Variants in AKAP6 observed in about 807,000 individuals in gnomAD.
AKAP6 encodes A-kinase anchor protein 6.
AKAP6 carries 58 observed loss-of-function variants against 188.5 expected under a neutral mutation model. The observed-to-expected ratio is 0.31, with a 90% CI of 0.25 to 0.38. The LOEUF (loss-of-function observed/expected upper bound fraction) is 0.38. Ranked by LOEUF, AKAP6 falls within the 10% of genes least tolerant of loss-of-function variation. The pLI is 1.00. For missense variants in AKAP6, 2,710 were observed against 2,740.0 expected (o/e 0.99, Z 0.24); for synonymous variants, 989 against 998.6 (o/e 0.99, Z 0.18).
chr14:32,753,327 T>C (rs2032210664), intron 11 of AKAP6, among the ~76,000 whole-genome samples: 1 of 152,180 alleles, frequency 6.6e-6, no homozygotes, highest in South Asian at 2.1e-4. Flanking sequence ...CATAAACCTG[T>C]CTTCTGTTGA....
At position 32,447,249 on chromosome 14, in the gene AKAP6, G is replaced by A. The variant is rs183491975; in HGVS notation, c.324+13432G>A. Among the ~76,000 whole-genome samples, 84 of 152,234 alleles carry A rather than the reference G, an allele frequency of 5.5e-4. No individual in the cohort carries two copies. In the East Asian group the frequency reaches 9.4e-3, roughly 17 times the overall value. The stretch of plus-strand genomic sequence containing the variant: ...GCATTCTCATTTGCTTTTTTCATAT[G>A]TTGTTTTCTAGTTTCCTCAAACAAA... On this transcript the variant is annotated intron_variant, in intron 2 of 13. Transcript: ENST00000280979.
chr14:32,632,384 A>G (rs746487985), intron 7 of AKAP6, among the ~76,000 whole-genome samples: 7 of 152,020 alleles, frequency 4.6e-5, no homozygotes, highest in Non-Finnish European at 1.0e-4. Flanking sequence ...CATACATCCT[A>G]ATATGTTGTC....
chr14:32,581,957 G>A (rs1156968283), intron 5 of AKAP6, among the ~76,000 whole-genome samples: 1 of 152,132 alleles, frequency 6.6e-6, no homozygotes, highest in African/African-American at 2.4e-5. Flanking sequence ...CAATTTGCCA[G>A]TCTGTGTCTT....
At chr14:32,656,410 A>G (rs1432696648) in intron 7 of AKAP6, among the ~76,000 whole-genome samples, 1 of 152,160 alleles carries the variant, frequency 6.6e-6, no homozygotes, top group African/African-American at 2.4e-5. Flanking sequence ...TATGAGAAAT[A>G]GAAGACAGTG....
chr14:32,374,004 C>T (rs1888087573), intron 1 of AKAP6, among the ~76,000 whole-genome samples: 1 of 152,042 alleles, frequency 6.6e-6, no homozygotes, highest in South Asian at 2.1e-4. Context: ...AGTAAAAACC[C>T]CTGGCGTATG....
chr14:32,511,533 G>C (rs11848751), intron 2 of AKAP6, among the ~76,000 whole-genome samples: 30 of 151,996 alleles, frequency 2.0e-4, no homozygotes, highest in African/African-American at 6.8e-4. Context: ...GTGCCACCAC[G>C]CCTGGCTAAT....
At chr14:32,386,319 A>C (rs1356750509) in intron 1 of AKAP6, among the ~76,000 whole-genome samples, 1 of 151,948 alleles carries the variant, frequency 6.6e-6, no homozygotes, top group Non-Finnish European at 1.5e-5. Context: ...TAAAGTGGTA[A>C]CGCATTGTGG....
chr14:32,801,852 G>A (rs565621360), intron 12 of AKAP6, among the ~76,000 whole-genome samples: 2 of 152,164 alleles, frequency 1.3e-5, no homozygotes, highest in South Asian at 4.1e-4. Context: ...AATGATTTCT[G>A]ATGAGAAGTC....
At position 32,535,660 on chromosome 14, in the gene AKAP6, T is replaced by A; in HGVS notation, c.431T>A (p.Ile144Asn). ...TACTCTGTCAACGTGATAGTGGACA[T>A]CCACGCAGTGCAGCTCCTCTGGCAC... Reference protein sequence around the residue: ...LSYSVNVIVDIHAVQLLWHQL... With the variant: ...LSYSVNVIVDNHAVQLLWHQL... The change falls in exon 3 of 14, where the codon ATC (isoleucine) becomes AAC (asparagine). Residue 144 changes from isoleucine to asparagine, a missense_variant. By Grantham distance (149) the Ile-to-Asn change is moderately radical. Around this residue, in one of 2 missense-constraint regions of AKAP6, gnomAD observed 237 missense variants for 313.9 expected, o/e 0.76. Transcript: ENST00000280979. The A allele has an allele frequency of 6.2e-7, 1 of 1,614,236 alleles. No homozygotes were observed. The highest frequency in any genetic ancestry group is 8.5e-7 in the Non-Finnish European group (1 of 1,180,030).
At chr14:32,413,092 T>G (rs1889539967) in intron 1 of AKAP6, among the ~76,000 whole-genome samples, 1 of 152,120 alleles carries the variant, frequency 6.6e-6, no homozygotes, top group African/African-American at 2.4e-5. Context: ...GTATGTTATC[T>G]TTATCACCAA....
intron 1 of AKAP6, among the ~76,000 whole-genome samples, chr14:32,430,100 G>C (rs986746873): frequency 6.6e-6 from 1 of 152,152 alleles, no homozygotes; most frequent in Non-Finnish European, 1.5e-5. Context: ...TCATTAAGTA[G>C]GACACATCTA....
chr14:32,357,153 A>G (rs747137567), intron 1 of AKAP6, among the ~76,000 whole-genome samples: 1 of 152,220 alleles, frequency 6.6e-6, no homozygotes, highest in Non-Finnish European at 1.5e-5. Context: ...ATTTAGTGTT[A>G]CAAAAAAATC....
intron 12 of AKAP6, among the ~76,000 whole-genome samples, chr14:32,797,670 C>T (rs140408780): frequency 2.1e-3 from 321 of 152,102 alleles, no homozygotes; most frequent in Middle Eastern, 3.4e-3. Context: ...GCTAATGATG[C>T]TGAGCTTAAT....
intron 7 of AKAP6, among the ~76,000 whole-genome samples, chr14:32,608,499 CAAAAA>C (rs34523121): frequency 9.5e-6 from 1 of 105,058 alleles, no homozygotes; most frequent in Non-Finnish European, 1.9e-5. Flanking sequence ...GAGTCTGTCT[CAAAAA>C]AAAAAAAAAA....
intron 1 of AKAP6, among the ~76,000 whole-genome samples, chr14:32,430,916 A>C (rs1890198461): frequency 6.6e-6 from 1 of 151,996 alleles, no homozygotes; most frequent in South Asian, 2.1e-4. Context: ...ACCATCCTGG[A>C]TAACACAGTG....
intron 1 of AKAP6, among the ~76,000 whole-genome samples, chr14:32,343,746 CAAAAAA>C (rs56376110): frequency 5.2e-3 from 193 of 37,252 alleles, no homozygotes; most frequent in African/African-American, 0.018. Flanking sequence ...GATTCCGTCT[CAAAAAA>C]AAAAAAAAAA....
chr14:32,603,218 TTGCA>T (rs1886003324), intron 7 of AKAP6, among the ~76,000 whole-genome samples: 1 of 152,024 alleles, frequency 6.6e-6, no homozygotes, highest in Non-Finnish European at 1.5e-5. Flanking sequence ...CATTATTGCG[TTGCA>T]CTCTAAAAAC....
intron 1 of AKAP6, among the ~76,000 whole-genome samples, chr14:32,416,871 T>C (rs1331276767): frequency 1.3e-5 from 2 of 152,178 alleles, no homozygotes; most frequent in Non-Finnish European, 2.9e-5. Context: ...AGAGTCTTGC[T>C]GTCACCCAGG....
chr14:32,378,961 C>G (rs938631551), intron 1 of AKAP6, among the ~76,000 whole-genome samples: 1 of 148,598 alleles, frequency 6.7e-6, no homozygotes, highest in Non-Finnish European at 1.5e-5. Flanking sequence ...TCTTGTCACC[C>G]AGGCTAGAGT....
Sources: gnomAD v4.1 joint callset for allele counts (sites outside exome capture counted in the v4.1 genomes callset) on GRCh38, gnomAD v4.1.1 for gene constraint, gnomAD v4.1.1 regional missense constraint, MANE v1.5 for transcripts, NCBI Gene and HGNC (gene_info 2026-07-23, HGNC 2026-07-21) for gene names.